Variants in CALCRL observed in about 807,000 individuals in gnomAD.
The protein encoded by CALCRL is calcitonin gene-related peptide type 1 receptor.
Under a neutral mutation model 60.4 loss-of-function variants are expected in CALCRL, and 27 were observed. That is an observed-to-expected ratio of 0.45 (90% CI 0.33 to 0.62). The LOEUF (loss-of-function observed/expected upper bound fraction) is 0.62, where lower values mean the gene tolerates loss of function less well. Among genes scored for constraint, CALCRL ranks in the 20% least tolerant of loss-of-function variants. The pLI, the probability that CALCRL is intolerant of heterozygous loss-of-function variation, is 0.03. For synonymous variants in CALCRL, 190 were observed against 182.6 expected (o/e 1.04, Z -0.33); for missense variants, 424 against 540.7 (o/e 0.78, Z 2.14).
intron 1 of CALCRL, among the ~76,000 whole-genome samples, chr2:187,396,680 TA>T (rs1353104866): frequency 6.6e-6 from 1 of 151,806 alleles, no homozygotes; most frequent in Non-Finnish European, 1.5e-5. Flanking sequence ...TGCCAATTTT[TA>T]AAAGTCATCA....
chr2:187,405,924 T>C (rs1177542351), intron 1 of CALCRL, among the ~76,000 whole-genome samples: 1 of 151,128 alleles, frequency 6.6e-6, no homozygotes, highest in Non-Finnish European at 1.5e-5. Flanking sequence ...ACTATTTAAG[T>C]CCTGTGTGTG....
intron 1 of CALCRL, among the ~76,000 whole-genome samples, chr2:187,417,399 A>G (rs1420141179): frequency 6.6e-6 from 1 of 152,142 alleles, no homozygotes; most frequent in Non-Finnish European, 1.5e-5. Flanking sequence ...TGTGACATTT[A>G]TGCTGGTGAG....
intron 1 of CALCRL, among the ~76,000 whole-genome samples, chr2:187,435,464 T>C (rs1307530474): frequency 6.6e-6 from 1 of 152,094 alleles, no homozygotes; most frequent in Non-Finnish European, 1.5e-5. Flanking sequence ...CCTCCAACAC[T>C]GGGGAATCAC....
At chr2:187,425,688 G>A (rs1559074075) in intron 1 of CALCRL, among the ~76,000 whole-genome samples, 1 of 151,898 alleles carries the variant, frequency 6.6e-6, no homozygotes, top group East Asian at 1.9e-4. Context: ...ATTCCTTATA[G>A]TGCGGGAAGT....
At chr2:187,404,267 A>G (rs1234237006) in intron 1 of CALCRL, among the ~76,000 whole-genome samples, 1 of 151,862 alleles carries the variant, frequency 6.6e-6, no homozygotes, top group Non-Finnish European at 1.5e-5. Context: ...AAGATGGTGC[A>G]TTTTTATCAA....
intron 1 of CALCRL, among the ~76,000 whole-genome samples, chr2:187,425,506 G>C (rs530069060): frequency 1.4e-3 from 213 of 151,912 alleles, no homozygotes; most frequent in Middle Eastern, 3.4e-3. Flanking sequence ...TGTAATATTA[G>C]GTTGCATTAT....
Position 187,345,081 on chromosome 2 carries a change from G to A in CALCRL, c.*1103C>T, listed in dbSNP as rs751093903. 2.0e-5 allele frequency: 3 copies of A among 152,062 alleles called. No homozygotes were observed. The highest frequency in any genetic ancestry group is 4.4e-5 in the Non-Finnish European group (3 of 67,754). The allele number at this position is 152,062 out of a possible 1,614,324, so 9.4% of individuals were successfully genotyped here. A position where few individuals can be genotyped will look rare whatever the true frequency, so the allele number is the denominator to read the frequency against. On this transcript the variant is annotated 3_prime_UTR_variant, in exon 15 of 15. Coordinates refer to ENST00000392370, the MANE Select transcript of CALCRL (RefSeq NM_005795.6). ...AGACTTCTGATGCTGGCATCTGGTT[G>A]TCTTTAAAATATTTACCAAATATAG...
At chr2:187,375,198 G>A (rs949964648) in intron 8 of CALCRL, among the ~76,000 whole-genome samples, 9 of 148,574 alleles carry the variant, frequency 6.1e-5, no homozygotes, top group Non-Finnish European at 1.0e-4. Context: ...CGTGAACCCG[G>A]GAAGCGGAGC....
intron 1 of CALCRL, among the ~76,000 whole-genome samples, chr2:187,405,178 GTC>G (rs977995148): frequency 7.9e-5 from 12 of 151,962 alleles, no homozygotes; most frequent in Non-Finnish European, 1.6e-4. Context: ...GTAAGTGGTG[GTC>G]TCTCCCCTGC....
intron 8 of CALCRL, among the ~76,000 whole-genome samples, chr2:187,368,400 C>A (rs962558279): frequency 6.6e-6 from 1 of 151,954 alleles, no homozygotes; most frequent in Non-Finnish European, 1.5e-5. Flanking sequence ...GAAAAATAGT[C>A]ATTTTTTTTC....
chr2:187,346,910 G>A (rs1388655741), intron 14 of CALCRL, among the ~76,000 whole-genome samples: 1 of 151,730 alleles, frequency 6.6e-6, no homozygotes, highest in South Asian at 2.1e-4. Context: ...GCCAGAAATT[G>A]TGCTACATTC....
At chr2:187,404,093 T>G (rs961209049) in intron 1 of CALCRL, among the ~76,000 whole-genome samples, 1 of 151,880 alleles carries the variant, frequency 6.6e-6, no homozygotes, top group African/African-American at 2.4e-5. Context: ...TAGCTTTCTT[T>G]CCTGCTAAAT....
intron 1 of CALCRL, among the ~76,000 whole-genome samples, chr2:187,411,545 T>A (rs56840355): frequency 0.043 from 6,498 of 152,064 alleles, 187 homozygotes; most frequent in African/African-American, 0.073. Context: ...GAAAAAAAAA[T>A]TATTTAGTGA....
intron 8 of CALCRL, among the ~76,000 whole-genome samples, chr2:187,377,930 G>C (rs1300795471): frequency 6.6e-6 from 1 of 151,848 alleles, no homozygotes; most frequent in Admixed American, 6.6e-5. Flanking sequence ...TTGCTTAATA[G>C]GGTATTAAAA....
chr2:187,440,114 C>T (rs1187279840), intron 1 of CALCRL, among the ~76,000 whole-genome samples: 6 of 151,808 alleles, frequency 4.0e-5, no homozygotes, highest in Non-Finnish European at 7.4e-5. Context: ...TTGTTCCTTA[C>T]CCAAAATTTA....
At chr2:187,412,245 C>T (rs1318683447) in intron 1 of CALCRL, among the ~76,000 whole-genome samples, 1 of 152,068 alleles carries the variant, frequency 6.6e-6, no homozygotes, top group Non-Finnish European at 1.5e-5. Context: ...TTCCACTAGT[C>T]AGGATAGCTT....
In CALCRL at chr2:187,344,168, T is replaced by G. The variant is rs2105672371; in HGVS notation, c.*2016A>C. ...TTTATTAAAATGAATTTTTGTATAATTTAGGCAGTTGAAGGTCTAGAACAG... is the reference window on the plus strand; with the variant it reads ...TTTATTAAAATGAATTTTTGTATAAGTTAGGCAGTTGAAGGTCTAGAACAG... On this transcript the variant is annotated 3_prime_UTR_variant, in exon 15 of 15. Transcript: ENST00000392370. The G allele has an allele frequency of 6.6e-6, 1 of 151,744 alleles. No individual in the cohort carries two copies. Among genetic ancestry groups the G allele is most frequent in the African/African-American group, 2.4e-5 (1 of 41,524 alleles). The allele number at this position is 151,744 out of a possible 1,614,324, so 9.4% of individuals were successfully genotyped here. A position where few individuals can be genotyped will look rare whatever the true frequency, so the allele number is the denominator to read the frequency against.
intron 3 of CALCRL, among the ~76,000 whole-genome samples, chr2:187,385,942 G>C (rs1166802646): frequency 6.6e-6 from 1 of 151,980 alleles, no homozygotes; most frequent in Non-Finnish European, 1.5e-5. Context: ...TAGAGATGGG[G>C]TTTCACCATG....
chr2:187,405,241 T>C (rs1689065500), intron 1 of CALCRL, among the ~76,000 whole-genome samples: 1 of 152,008 alleles, frequency 6.6e-6, no homozygotes, highest in South Asian at 2.1e-4. Flanking sequence ...GTTAGAAGAC[T>C]TATAATTTTG....
Sources: allele counts gnomAD v4.1 joint callset (sites outside exome capture counted in the v4.1 genomes callset), GRCh38; gene constraint gnomAD v4.1.1; transcripts MANE v1.5; gene names NCBI Gene and HGNC (gene_info 2026-07-23, HGNC 2026-07-21).